CLASP1: variants seen among roughly 807,000 people sequenced by gnomAD.
The protein encoded by CLASP1 is cytoplasmic linker associated protein 1.
CLASP1 carries 38 observed loss-of-function variants against 192.3 expected under a neutral mutation model. The observed-to-expected ratio is 0.20, with a 90% CI of 0.15 to 0.26. The LOEUF (loss-of-function observed/expected upper bound fraction) is 0.26. CLASP1 is among the 10% of genes least tolerant of loss of function. CLASP1 has a pLI of 1.00. For synonymous variants in CLASP1, 691 were observed against 712.8 expected (o/e 0.97, Z 0.49); for missense variants, 1,433 against 1,932.5 (o/e 0.74, Z 4.85).
At chr2:121,478,686 C>A (rs1320280552) in intron 8 of CLASP1, among the ~76,000 whole-genome samples, 31 of 62,828 alleles carry the variant, frequency 4.9e-4, no homozygotes, top group East Asian at 1.8e-3. Context: ...ACACACACAC[C>A]CCACACACAC....
intron 8 of CLASP1, among the ~76,000 whole-genome samples, chr2:121,495,920 G>A (rs932928338): frequency 6.6e-6 from 1 of 152,160 alleles, no homozygotes; most frequent in Non-Finnish European, 1.5e-5. Context: ...TCCCTGCAAG[G>A]TGTTCACTCC....
intron 2 of CLASP1, among the ~76,000 whole-genome samples, chr2:121,535,005 C>T (rs983590792): frequency 6.6e-6 from 1 of 152,194 alleles, no homozygotes; most frequent in Non-Finnish European, 1.5e-5. Context: ...TGGTGTCTCA[C>T]GCCTGTAATC....
chr2:121,400,202 CTTAT>C (rs562977347), intron 28 of CLASP1, among the ~76,000 whole-genome samples: 43 of 152,162 alleles, frequency 2.8e-4, no homozygotes, highest in African/African-American at 4.1e-4. Flanking sequence ...TACTTTGATT[CTTAT>C]TTATTTATTT....
chr2:121,449,012 G>A (rs1200508580), exon 17 of CLASP1: 8 of 1,614,002 alleles, frequency 5.0e-6, no homozygotes, highest in Non-Finnish European at 5.9e-6. Context: ...ACACTATGCT[G>A]TCTGAGTTCT....
chr2:121,352,044 G>A (rs1371436679), intron 37 of CLASP1, among the ~76,000 whole-genome samples: 1 of 152,228 alleles, frequency 6.6e-6, no homozygotes, highest in Non-Finnish European at 1.5e-5. Flanking sequence ...AGGGCAGAGT[G>A]AGGGTAGTCT....
In CLASP1 at chr2:121,546,757, G is replaced by A. The variant is rs567064195; in HGVS notation, c.196-16432C>T. Among the ~76,000 whole-genome samples, 3 of 152,252 alleles carry A rather than the reference G, an allele frequency of 2.0e-5. No homozygotes were observed. The East Asian group carries it at 5.8e-4, about 29-fold the overall frequency. Reference sequence around the variant, plus strand: ...GGCTTTCTGGGCTTCAGGGCAAAAGGAGCTGCAATTCCATCTTTGGGTTTC... The same window carrying A: ...GGCTTTCTGGGCTTCAGGGCAAAAGAAGCTGCAATTCCATCTTTGGGTTTC... On this transcript the variant is annotated intron_variant, in intron 2 of 39. Coordinates refer to ENST00000263710, the Ensembl canonical transcript of CLASP1.
intron 34 of CLASP1, among the ~76,000 whole-genome samples, chr2:121,368,323 C>T (rs894448617): frequency 6.6e-6 from 1 of 152,178 alleles, no homozygotes; most frequent in Non-Finnish European, 1.5e-5. Flanking sequence ...TGCTGGGCCT[C>T]GGCGCTTCAC....
chr2:121,517,465 AC>A (rs1559494236), intron 6 of CLASP1, among the ~76,000 whole-genome samples: 2 of 152,202 alleles, frequency 1.3e-5, no homozygotes, highest in Non-Finnish European at 2.9e-5. Context: ...CTATATTGTC[AC>A]CCAAAACCTC....
intron 33 of CLASP1, among the ~76,000 whole-genome samples, chr2:121,378,854 G>A (rs781086658): frequency 4.0e-5 from 6 of 151,698 alleles, no homozygotes; most frequent in East Asian, 3.9e-4. Context: ...CTGAAGAAAC[G>A]AAGTATCCTT....
chr2:121,376,526 T>TGGGGGGGGGGGGGGGGAGGGGG (rs61313144), intron 34 of CLASP1, among the ~76,000 whole-genome samples: 1 of 105,132 alleles, frequency 9.5e-6, no homozygotes, highest in Non-Finnish European at 1.9e-5. Flanking sequence ...TGGGAAGGGG[T>TGGGGGGGGGGGGGGGGAGGGGG]GGGGGGGGGG....
intron 19 of CLASP1, among the ~76,000 whole-genome samples, chr2:121,431,746 GTTTTT>G (rs531841516): frequency 7.4e-6 from 1 of 135,042 alleles, no homozygotes; most frequent in African/African-American, 2.7e-5. Context: ...CATTCCCTTG[GTTTTT>G]TTTTTTTTTT....
At chr2:121,627,817 T>C (rs2106184982) in intron 1 of CLASP1, among the ~76,000 whole-genome samples, 1 of 152,368 alleles carries the variant, frequency 6.6e-6, no homozygotes, top group African/African-American at 2.4e-5. Flanking sequence ...GATCTTATTA[T>C]GTTACTTCAA....
intron 2 of CLASP1, among the ~76,000 whole-genome samples, chr2:121,582,142 G>A (rs890907165): frequency 1.1e-4 from 16 of 151,600 alleles, no homozygotes; most frequent in African/African-American, 7.3e-5. Context: ...CAGCCTGGGC[G>A]ACAGATAATC....
intron 2 of CLASP1, among the ~76,000 whole-genome samples, chr2:121,532,090 C>G (rs904437949): frequency 3.3e-5 from 5 of 152,108 alleles, no homozygotes; most frequent in Non-Finnish European, 5.9e-5. Context: ...CTGCCTCTGG[C>G]GGCTGATAAA....
chr2:121,586,507 G>C (rs2061730281), intron 2 of CLASP1, among the ~76,000 whole-genome samples: 1 of 152,254 alleles, frequency 6.6e-6, no homozygotes, highest in South Asian at 2.1e-4. Context: ...AACTTACAAA[G>C]TAGTAATCCC....
intron 2 of CLASP1, among the ~76,000 whole-genome samples, chr2:121,568,896 T>C (rs2059733133): frequency 6.6e-6 from 1 of 151,968 alleles, no homozygotes. Context: ...GTGGCAGGAA[T>C]AGTTTGGAGG....
At chr2:121,524,605 C>T (rs1000710258) in intron 6 of CLASP1, among the ~76,000 whole-genome samples, 3 of 151,980 alleles carry the variant, frequency 2.0e-5, no homozygotes, top group Admixed American at 6.6e-5. Flanking sequence ...CACAGGTGAA[C>T]GCCACCATGC....
intron 1 of CLASP1, among the ~76,000 whole-genome samples, chr2:121,627,918 C>A (rs975936085): frequency 6.6e-6 from 1 of 152,150 alleles, no homozygotes; most frequent in Non-Finnish European, 1.5e-5. Flanking sequence ...AAGACAATTT[C>A]ATATACTATC....
chr2:121,635,716 T>A (rs1044127297), intron 1 of CLASP1, among the ~76,000 whole-genome samples: 5 of 152,340 alleles, frequency 3.3e-5, no homozygotes, highest in African/African-American at 1.2e-4. Flanking sequence ...GGACAAGAAT[T>A]TTCTAATGCT....
Sources: allele counts gnomAD v4.1 joint callset (sites outside exome capture counted in the v4.1 genomes callset), GRCh38; gene constraint gnomAD v4.1.1; transcripts MANE v1.5; gene names NCBI Gene and HGNC (gene_info 2026-07-23, HGNC 2026-07-21).